The following ADARB2 variants were observed in gnomAD, a reference collection of about 807,000 sequenced individuals.
The protein encoded by ADARB2 is adenosine deaminase RNA specific B2 (inactive).
A neutral mutation model predicts 62.2 loss-of-function variants in ADARB2; 25 were observed. That is an observed-to-expected ratio of 0.40 (90% CI 0.29 to 0.56). The LOEUF (loss-of-function observed/expected upper bound fraction) is 0.56, where lower values mean the gene tolerates loss of function less well. ADARB2 is among the 20% of genes least tolerant of loss of function. The pLI is 0.43. For missense variants in ADARB2, 1,071 were observed against 1,077.4 expected (o/e 0.99, Z 0.08); for synonymous variants, 572 against 500.8 (o/e 1.14, Z -1.90).
chr10:1,278,194 G>C (rs1450414968), intron 3 of ADARB2, among the ~76,000 whole-genome samples: 1 of 151,954 alleles, frequency 6.6e-6, no homozygotes, highest in East Asian at 1.9e-4. Context: ...TGGTCAGGTT[G>C]GTCTAGCACT....
intron 4 of ADARB2, among the ~76,000 whole-genome samples, chr10:1,242,668 C>T (rs934887673): frequency 5.3e-5 from 8 of 152,344 alleles, no homozygotes; most frequent in Non-Finnish European, 1.0e-4. Flanking sequence ...TAGCTGCGGC[C>T]TGGGCTTCCT....
At chr10:1,336,069 C>T (rs1831972956) in intron 3 of ADARB2, among the ~76,000 whole-genome samples, 1 of 152,202 alleles carries the variant, frequency 6.6e-6, no homozygotes, top group Non-Finnish European at 1.5e-5. Flanking sequence ...AACATGTCCT[C>T]CATTTTAAGA....
chr10:1,193,414 T>G (rs1836868325), intron 8 of ADARB2, among the ~76,000 whole-genome samples: 1 of 152,232 alleles, frequency 6.6e-6, no homozygotes, highest in Non-Finnish European at 1.5e-5. Flanking sequence ...CTGTAAGGAT[T>G]GTCATTATTT....
chr10:1,401,468 G>A (rs1243532076), intron 1 of ADARB2, among the ~76,000 whole-genome samples: 1 of 152,308 alleles, frequency 6.6e-6, no homozygotes, highest in East Asian at 1.9e-4. Context: ...TGGAGGGCAG[G>A]TGCCAGCGCT....
intron 3 of ADARB2, among the ~76,000 whole-genome samples, chr10:1,294,191 C>A (rs549396029): frequency 6.6e-6 from 1 of 152,100 alleles, no homozygotes; most frequent in African/African-American, 2.4e-5. Context: ...GAGTGACTGC[C>A]GATAGAATCA....
chr10:1,363,381 C>A lies in ADARB2; in HGVS notation c.724G>T (p.Gly242Trp). 2.3e-6 allele frequency: 3 copies of A among 1,330,486 alleles called. No individual in the cohort carries two copies. Among genetic ancestry groups the A allele is most frequent in the Middle Eastern group, 2.0e-4 (1 of 4,950 alleles). The allele number at this position is 1,330,486 out of a possible 1,614,324, so 82.4% of individuals were successfully genotyped here. Residue 242 changes from glycine to tryptophan, a missense_variant, in exon 3 of 10, where the codon GGG becomes TGG. Physicochemically the swap from Gly to Trp is radical, Grantham distance 184. Transcript: ENST00000381312. The stretch of plus-strand genomic sequence containing the variant: ...GCCGCGGACAGAAGCGCGGCGTCCC[C>A]GGGGCGGCCTCCCGCGAGTCCGGGG... ...PRPGLAGGRP[G>W]DAALLSAAYG...
rs773952439 is a variant in ADARB2, at chr10:1,271,003, G to A, written c.1144C>T (p.Pro382Ser). Residue 382 changes from proline to serine, a missense_variant, in exon 4 of 10, where the codon CCC (proline) becomes TCC (serine). Pro to Ser is a moderately conservative substitution (Grantham distance 74). Coordinates refer to ENST00000381312, the MANE Select transcript of ADARB2 (RefSeq NM_018702.4). ...KFREVTTDLT[P>S]MHARHKALAG... ...AGCGCTTTATGGCGGGCGTGCATGG[G>A]CGTGAGGTCCGTCGTCACCTCGCGG... The A allele has an allele frequency of 5.0e-6, 8 of 1,613,512 alleles. No homozygotes were observed. The highest frequency in any genetic ancestry group is 5.9e-6 in the Non-Finnish European group (7 of 1,179,772).
chr10:1,681,091 GAC>G (rs1244933872), intron 1 of ADARB2, among the ~76,000 whole-genome samples: 12 of 152,186 alleles, frequency 7.9e-5, no homozygotes, highest in African/African-American at 2.4e-4. Context: ...GCAGCCCCTG[GAC>G]AGGAATAATG....
At chr10:1,202,131 C>T (rs145089960) in intron 7 of ADARB2, among the ~76,000 whole-genome samples, 38 of 151,462 alleles carry the variant, frequency 2.5e-4, no homozygotes, top group African/African-American at 9.2e-4. Flanking sequence ...TCAATAGAGA[C>T]ATGGTTTTGC....
chr10:1,555,269 T>C (rs775081928), intron 1 of ADARB2, among the ~76,000 whole-genome samples: 3 of 152,248 alleles, frequency 2.0e-5, no homozygotes, highest in Non-Finnish European at 2.9e-5. Flanking sequence ...GCAGTTGTCT[T>C]AAGTTCCTTG....
At chr10:1,254,187 T>G (rs1831060853) in intron 4 of ADARB2, among the ~76,000 whole-genome samples, 1 of 144,876 alleles carries the variant, frequency 6.9e-6, no homozygotes. Flanking sequence ...GGCTCTGTGG[T>G]TAGGATGTGG....
chr10:1,596,200 G>A (rs1446187183), intron 1 of ADARB2, among the ~76,000 whole-genome samples: 1 of 152,256 alleles, frequency 6.6e-6, no homozygotes, highest in African/African-American at 2.4e-5. Flanking sequence ...AACATAGTTT[G>A]AAGTGGTACT....
chr10:1,199,210 A>ACCCCCC (rs201988812), intron 8 of ADARB2, among the ~76,000 whole-genome samples: 2 of 134,732 alleles, frequency 1.5e-5, no homozygotes, highest in African/African-American at 5.6e-5. Flanking sequence ...TGATTCGGAA[A>ACCCCCC]CCCACCCCCC....
At chr10:1,651,050 T>C (rs190896937) in intron 1 of ADARB2, among the ~76,000 whole-genome samples, 7 of 152,318 alleles carry the variant, frequency 4.6e-5, no homozygotes, top group Non-Finnish European at 8.8e-5. Context: ...ACGCTTCAGA[T>C]GTTCCGCTCT....
chr10:1,686,341 G>A (rs909651178), intron 1 of ADARB2, among the ~76,000 whole-genome samples: 14 of 152,224 alleles, frequency 9.2e-5, no homozygotes, highest in African/African-American at 3.1e-4. Flanking sequence ...CAATTGAGTC[G>A]AACAAGGACA....
chr10:1,512,716 C>T (rs764120104), intron 1 of ADARB2, among the ~76,000 whole-genome samples: 16 of 152,366 alleles, frequency 1.1e-4, no homozygotes, highest in Non-Finnish European at 2.1e-4. Context: ...GCTTCAGCCA[C>T]AAGCAAGGTG....
intron 3 of ADARB2, among the ~76,000 whole-genome samples, chr10:1,296,196 C>T (rs61832022): frequency 6.6e-6 from 1 of 152,184 alleles, no homozygotes; most frequent in South Asian, 2.1e-4. Flanking sequence ...GCAGGATCCA[C>T]GTGTAAGACA....
chr10:1,566,063 CAAAAAAAAAAAAAA>C (rs376967105), intron 1 of ADARB2, among the ~76,000 whole-genome samples: 16,389 of 127,808 alleles, frequency 0.13, 1,864 homozygotes, highest in South Asian at 0.25. Context: ...CTCAGTCTAG[CAAAAAAAAAAAAAA>C]AAAAAAAAAA....
At chr10:1,389,954 A>G (rs1292276349) in intron 1 of ADARB2, among the ~76,000 whole-genome samples, 1 of 152,144 alleles carries the variant, frequency 6.6e-6, no homozygotes, top group African/African-American at 2.4e-5. Context: ...TAGATATTTA[A>G]CCAAGATAAA....
Sources: allele counts gnomAD v4.1 joint callset (sites outside exome capture counted in the v4.1 genomes callset), GRCh38; gene constraint gnomAD v4.1.1; transcripts MANE v1.5; gene names NCBI Gene and HGNC (gene_info 2026-07-23, HGNC 2026-07-21).